The following LRRFIP2 variants were observed in gnomAD, a reference collection of about 807,000 sequenced individuals.
The protein encoded by LRRFIP2 is LRR binding FLII interacting protein 2.
In LRRFIP2, 109 loss-of-function variants were observed where a neutral mutation model predicts 125.9. That is an observed-to-expected ratio of 0.87 (90% CI 0.74 to 1.01). The LOEUF is 1.01. Among genes scored for constraint, LRRFIP2 ranks in the 50% least tolerant of loss-of-function variants. The pLI, the probability that LRRFIP2 is intolerant of heterozygous loss-of-function variation, is 0.00. For missense variants in LRRFIP2, 850 were observed against 862.3 expected (o/e 0.99, Z 0.18); for synonymous variants, 291 against 293.1 (o/e 0.99, Z 0.07).
At chr3:37,153,234 T>TA (rs1224968365) in intron 1 of LRRFIP2, among the ~76,000 whole-genome samples, 2 of 151,860 alleles carry the variant, frequency 1.3e-5, no homozygotes, top group African/African-American at 2.4e-5. Flanking sequence ...AGAAAAATTT[T>TA]AAAAAAATTA....
chr3:37,107,998 T>C, intron 13 of LRRFIP2, 75 bp downstream of exon 13: 1 of 1,214,680 alleles, frequency 8.2e-7, no homozygotes, highest in Non-Finnish European at 1.2e-6. Context: ...ATATCCTCAA[T>C]ATTCTAAACA....
intron 6 of LRRFIP2, 49 bp downstream of exon 6, chr3:37,121,443 A>G (rs777242625): frequency 1.9e-6 from 3 of 1,553,158 alleles, no homozygotes; most frequent in African/African-American, 1.4e-5. Context: ...ATTATTGAAG[A>G]AAGCTCACAC....
At chr3:37,061,854 C>A (rs2088849422) in intron 24 of LRRFIP2, among the ~76,000 whole-genome samples, 1 of 152,172 alleles carries the variant, frequency 6.6e-6, no homozygotes, top group Non-Finnish European at 1.5e-5. Context: ...CAATTGTAAT[C>A]CCTACACAAT....
At position 37,065,728 on chromosome 3, in the gene LRRFIP2, G is replaced by GT; in HGVS notation, c.1699+81dup. The GT allele has an allele frequency of 1.9e-6, 3 of 1,584,536 alleles. No homozygotes were observed. The Middle Eastern group carries it at 5.0e-4, about 264-fold the overall frequency. ...GAGTCTCAGCCCTTATGCTGTTTTT[G>GT]TTTTCCAAGCTGGGATATGAAAAAG... is the stretch of plus-strand genomic sequence containing the variant. On this transcript the variant is annotated intron_variant, in intron 23 of 27. Transcript: ENST00000336686.
chr3:37,159,786 C>T (rs546971902), intron 1 of LRRFIP2, among the ~76,000 whole-genome samples: 5 of 147,224 alleles, frequency 3.4e-5, no homozygotes, highest in South Asian at 4.2e-4. Flanking sequence ...GGATTACAGG[C>T]GTGAGCCACT....
At chr3:37,065,009 T>G (rs1169729952) in intron 23 of LRRFIP2, 2 of 153,022 alleles carry the variant, frequency 1.3e-5, no homozygotes, top group Non-Finnish European at 2.9e-5. Flanking sequence ...ATGTGCTTAC[T>G]AACTTTCAAA....
At chr3:37,105,423 A>C (rs1395356504) in intron 14 of LRRFIP2, 32 bp downstream of exon 14, 8 of 1,590,056 alleles carry the variant, frequency 5.0e-6, no homozygotes, top group Non-Finnish European at 6.9e-6. Flanking sequence ...TTTAAAACTC[A>C]TCTTATTTCT....
At chr3:37,155,848 A>G (rs529298154) in intron 1 of LRRFIP2, among the ~76,000 whole-genome samples, 2 of 151,958 alleles carry the variant, frequency 1.3e-5, no homozygotes, top group African/African-American at 4.8e-5. Context: ...TCACAGCACA[A>G]CTCTTTCAAT....
intron 1 of LRRFIP2, among the ~76,000 whole-genome samples, chr3:37,150,201 G>A (rs1254610535): frequency 2.0e-5 from 3 of 151,960 alleles, no homozygotes; most frequent in Non-Finnish European, 4.4e-5. Context: ...GGTGGCTCAC[G>A]CCTGTAATCC....
intron 18 of LRRFIP2, among the ~76,000 whole-genome samples, chr3:37,084,868 T>A (rs1009736938): frequency 1.3e-5 from 2 of 151,794 alleles, no homozygotes; most frequent in African/African-American, 4.8e-5. Flanking sequence ...AAAAAAAATG[T>A]TTCACACAGG....
chr3:37,072,501 CAAAAAAAAAA>C (rs907848276), intron 21 of LRRFIP2, among the ~76,000 whole-genome samples: 3 of 34,474 alleles, frequency 8.7e-5, no homozygotes, highest in East Asian at 1.8e-3. Flanking sequence ...GACTCCGTCT[CAAAAAAAAAA>C]AAAAAAAAAA....
At chr3:37,063,069 T>C (rs1288714041) in intron 24 of LRRFIP2, among the ~76,000 whole-genome samples, 1 of 152,202 alleles carries the variant, frequency 6.6e-6, no homozygotes, top group Non-Finnish European at 1.5e-5. Context: ...TGAGTGGGAT[T>C]AATCTACTCT....
chr3:37,060,028 G>T lies in LRRFIP2; in HGVS notation c.1750-1118C>A, dbSNP rs11720064. On this transcript the variant is annotated intron_variant, in intron 24 of 27. Transcript: ENST00000336686. This position sits in a 1 kb window ranked among gnomAD's most constrained non-coding sequence, Gnocchi z 4.1. ...CTTGAGGGAACCAGGACAAATCTCAGTATCTCCATCATTCCTATTTATGTG... is the reference window on the plus strand; with the variant it reads ...CTTGAGGGAACCAGGACAAATCTCATTATCTCCATCATTCCTATTTATGTG... Among the ~76,000 whole-genome samples the T allele has an allele frequency of 0.36, 55,107 of 151,830 alleles. 10,929 individuals are homozygous for T. The highest frequency in any genetic ancestry group is 0.45 in the Non-Finnish European group (30,772 of 67,904).
rs73824633 is a variant in LRRFIP2, at chr3:37,094,520, A to C, written c.1035+272T>G. On this transcript the variant is annotated intron_variant, in intron 17 of 27. Transcript: ENST00000336686. ...TTGTTTCTGAGAGAATTACTTTTACATACATTACAAAGTGGGTTTTTTTTG... is the reference window on the plus strand; with the variant it reads ...TTGTTTCTGAGAGAATTACTTTTACCTACATTACAAAGTGGGTTTTTTTTG... Among the ~76,000 whole-genome samples, 261 of 152,336 alleles carry C rather than the reference A, an allele frequency of 1.7e-3. 1 individual carries two copies. The highest frequency in any genetic ancestry group is 5.5e-3 in the African/African-American group (228 of 41,578).
At chr3:37,065,518 T>C in intron 23 of LRRFIP2, 1 of 540,984 alleles carries the variant, frequency 1.8e-6, no homozygotes, top group Admixed American at 2.2e-5. Context: ...TACTAGACTA[T>C]CTCTTTGCAG....
At chr3:37,151,414 TC>T (rs2096020462) in intron 1 of LRRFIP2, among the ~76,000 whole-genome samples, 1 of 151,522 alleles carries the variant, frequency 6.6e-6, no homozygotes, top group African/African-American at 2.4e-5. Flanking sequence ...AGCTGATATA[TC>T]CCAGATACAA....
At chr3:37,142,493 G>C (rs2095736955) in intron 2 of LRRFIP2, among the ~76,000 whole-genome samples, 1 of 151,992 alleles carries the variant, frequency 6.6e-6, no homozygotes, top group Non-Finnish European at 1.5e-5. Context: ...AATACAAAAT[G>C]AGAACACAAA....
chr3:37,129,375 T>C (rs553850211), intron 2 of LRRFIP2, among the ~76,000 whole-genome samples: 1 of 152,222 alleles, frequency 6.6e-6, no homozygotes, highest in South Asian at 2.1e-4. Context: ...ACCTTTAACT[T>C]CTTGTTTGAT....
chr3:37,062,314 C>T (rs1427587221), intron 24 of LRRFIP2, among the ~76,000 whole-genome samples: 1 of 152,110 alleles, frequency 6.6e-6, no homozygotes, highest in Non-Finnish European at 1.5e-5. Flanking sequence ...ATCCCAGTGC[C>T]TAGAATAGTG....
Sources: allele counts gnomAD v4.1 joint callset (sites outside exome capture counted in the v4.1 genomes callset), GRCh38; gene constraint gnomAD v4.1.1; non-coding constraint Gnocchi (gnomAD v3.1); transcripts MANE v1.5; gene names NCBI Gene and HGNC (gene_info 2026-07-23, HGNC 2026-07-21).